The following ATXN10 variants were observed in gnomAD, a reference collection of about 807,000 sequenced individuals.
The protein encoded by ATXN10 is ataxin 10.
A neutral mutation model predicts 52.9 loss-of-function variants in ATXN10; 28 were observed. The ratio of observed to expected loss-of-function variants is 0.53; its 90% CI spans 0.39 to 0.73. ATXN10 has a LOEUF of 0.73. Ranked by LOEUF, ATXN10 falls within the 30% of genes least tolerant of loss-of-function variation. The pLI is 0.00. For missense variants in ATXN10, 565 were observed against 577.0 expected (o/e 0.98, Z 0.21); for synonymous variants, 226 against 221.5 (o/e 1.02, Z -0.18).
rs911508368 is a variant in ATXN10 at position 45,733,830 on chromosome 22, CTTTTT to C, written c.894+4246_894+4250del. On this transcript the variant is annotated intron_variant, in intron 7 of 11. Transcript: ENST00000252934. The surrounding 1 kb of genome is among the most constrained non-coding windows in gnomAD (Gnocchi z 4.4). ...TTTGTTTTCTATAGATCTGCATATC[CTTTTT>C]TTTTTGTTTTCTTTTCAAAGGTCTT... Among the ~76,000 whole-genome samples, 1 of 145,302 alleles carries C rather than the reference CTTTTT, an allele frequency of 6.9e-6. No individual in the cohort carries two copies. Among genetic ancestry groups the C allele is most frequent in the Non-Finnish European group, 1.5e-5 (1 of 65,886 alleles).
At chr22:45,745,045 A>G (rs1049745774) in intron 9 of ATXN10, among the ~76,000 whole-genome samples, 2 of 152,142 alleles carry the variant, frequency 1.3e-5, no homozygotes, top group Non-Finnish European at 2.9e-5. Context: ...TTTCCTTGCT[A>G]CAACTGTAGT....
chr22:45,760,139 A>G (rs1926330603), intron 9 of ATXN10, among the ~76,000 whole-genome samples: 1 of 152,184 alleles, frequency 6.6e-6, no homozygotes, highest in South Asian at 2.1e-4. Context: ...GCAGTAGCCC[A>G]TGTACTGGTG....
intron 7 of ATXN10, among the ~76,000 whole-genome samples, chr22:45,731,759 T>C (rs750247516): frequency 3.3e-5 from 5 of 152,246 alleles, no homozygotes; most frequent in Non-Finnish European, 7.3e-5. Context: ...GAATATACTT[T>C]CGTTCAGGAC....
chr22:45,672,307 C>A, intron 1 of ATXN10, 128 bp downstream of exon 1: 1 of 1,058,830 alleles, frequency 9.4e-7, no homozygotes, highest in Non-Finnish European at 1.2e-6. Flanking sequence ...CCTGCGCGGG[C>A]TGCCTGAGCG....
intron 9 of ATXN10, among the ~76,000 whole-genome samples, chr22:45,804,527 C>G (rs904625502): frequency 6.6e-6 from 1 of 152,080 alleles, no homozygotes; most frequent in African/African-American, 2.4e-5. Context: ...TTTCTTTCAG[C>G]GGGACATGGC....
chr22:45,723,737 C>G (rs561906093), intron 6 of ATXN10, among the ~76,000 whole-genome samples: 16 of 152,168 alleles, frequency 1.1e-4, no homozygotes, highest in African/African-American at 3.6e-4. Context: ...AGTCAGATCA[C>G]TTGAGACCAG....
At position 45,763,693 on chromosome 22, in the gene ATXN10, A is replaced by G. The variant is rs1461911981; in HGVS notation, c.1173+23155A>G. On this transcript the variant is annotated intron_variant, in intron 9 of 11. Coordinates refer to ENST00000252934, the MANE Select transcript of ATXN10 (RefSeq NM_013236.4). The surrounding 1 kb of genome is among the most constrained non-coding windows in gnomAD (Gnocchi z 6.9). ...CACAGGTCAGACTGTCTTCATATGC[A>G]TGCATTTACAGGCACATTTGTGGTT... Among the ~76,000 whole-genome samples, 1 of 152,110 alleles carries G rather than the reference A, an allele frequency of 6.6e-6. No homozygotes were observed. Among genetic ancestry groups the G allele is most frequent in the Non-Finnish European group, 1.5e-5 (1 of 68,028 alleles).
intron 5 of ATXN10, among the ~76,000 whole-genome samples, chr22:45,707,722 G>A (rs545023613): frequency 9.2e-5 from 14 of 151,778 alleles, no homozygotes; most frequent in African/African-American, 2.9e-4. Context: ...ATTCAGAAAG[G>A]AACAAAGGAT....
rs1929332691 is a variant in ATXN10, at chr22:45,841,082, C to G, written c.1238-1909C>G. On this transcript the variant is annotated intron_variant, in intron 10 of 11. Transcript: ENST00000252934. The surrounding 1 kb of genome is among the most constrained non-coding windows in gnomAD (Gnocchi z 5.1). ...GGGCTCGTTATCTTTATTCTCTATACTGGCACAAAGTGGGGGTTCAGTGAT... is the reference window on the plus strand; with the variant it reads ...GGGCTCGTTATCTTTATTCTCTATAGTGGCACAAAGTGGGGGTTCAGTGAT... Among the ~76,000 whole-genome samples the G allele has an allele frequency of 6.6e-6, 1 of 152,190 alleles. No individual in the cohort carries two copies.
chr22:45,756,250 T>C (rs980660511), intron 9 of ATXN10, among the ~76,000 whole-genome samples: 1 of 152,124 alleles, frequency 6.6e-6, no homozygotes, highest in Non-Finnish European at 1.5e-5. Context: ...GCTCAAGGGA[T>C]CCTCCCACCT....
In ATXN10 at chr22:45,833,708, T is replaced by C. The variant is rs753113576; in HGVS notation, c.1238-9283T>C. On this transcript the variant is annotated intron_variant, in intron 10 of 11. Transcript: ENST00000252934. This position sits in a 1 kb window ranked among gnomAD's most constrained non-coding sequence, Gnocchi z 4.3. Reference sequence around the variant, plus strand: ...TGGGATTTCTTTGAAGAGAAAGGGATGTATTTCATGTATCACAAAACCTAC... The same window carrying C: ...TGGGATTTCTTTGAAGAGAAAGGGACGTATTTCATGTATCACAAAACCTAC... 2.0e-5 allele frequency among the ~76,000 whole-genome samples: 3 copies of C among 152,208 alleles called. No individual in the cohort carries two copies. The highest frequency in any genetic ancestry group is 4.4e-5 in the Non-Finnish European group (3 of 68,028).
At chr22:45,797,718 A>G (rs73889619) in intron 9 of ATXN10, among the ~76,000 whole-genome samples, 2,572 of 152,326 alleles carry the variant, frequency 0.017, 86 homozygotes, top group African/African-American at 0.059. Context: ...GAAGTAGAAA[A>G]TAAAATAGAC....
rs192162071 is a variant in ATXN10, at chr22:45,832,981, T to C, written c.1238-10010T>C. On this transcript the variant is annotated intron_variant, in intron 10 of 11. Transcript: ENST00000252934. ...TTGGAGTTATTTATGTATTATACCT[T>C]TCTGCTGAAGGTTGTCCTGACTTTA... Among the ~76,000 whole-genome samples the C allele has an allele frequency of 2.4e-4, 37 of 152,330 alleles. No homozygotes were observed. The East Asian group carries it at 6.2e-3, about 25-fold the overall frequency.
rs890043611 is a variant in ATXN10 at position 45,766,027 on chromosome 22, G to A, written c.1173+25489G>A. 6.6e-6 allele frequency among the ~76,000 whole-genome samples: 1 copy of A among 152,236 alleles called. No individual in the cohort carries two copies. Among genetic ancestry groups the A allele is most frequent in the African/African-American group, 2.4e-5 (1 of 41,464 alleles). ...CCTGGCATTGGCACGTGAAGGGGCT[G>A]ACAGGCTAATGGGGCACAGTAGAAA... On this transcript the variant is annotated intron_variant, in intron 9 of 11. Transcript: ENST00000252934. This position sits in a 1 kb window ranked among gnomAD's most constrained non-coding sequence, Gnocchi z 4.6.
chr22:45,726,291 G>T (rs144675825), intron 6 of ATXN10, among the ~76,000 whole-genome samples: 1 of 152,076 alleles, frequency 6.6e-6, no homozygotes, highest in Non-Finnish European at 1.5e-5. Context: ...GTCTGGCCCT[G>T]GGTTTTTTGT....
rs992001613 is a variant in ATXN10, at chr22:45,835,255, G to C, written c.1238-7736G>C. 2.0e-5 allele frequency among the ~76,000 whole-genome samples: 3 copies of C among 152,200 alleles called. No individual in the cohort carries two copies. The highest frequency in any genetic ancestry group is 7.2e-5 in the African/African-American group (3 of 41,454). ...TGCTTTGCCTGGCGTGGGCTCATGG[G>C]TCCTGCTTTGCCTGGCGCGGGCGCT... On this transcript the variant is annotated intron_variant, in intron 10 of 11. Transcript: ENST00000252934. The surrounding 1 kb of genome is among the most constrained non-coding windows in gnomAD (Gnocchi z 5.0).
Position 45,689,823 on chromosome 22 carries a change from C to T in ATXN10, c.228C>T (p.Ser76=). ...CATCCCAAGTGGAAAACCTGGCTTC[C>T]AGTCTGCAGTTAATAACAGAATGCT... is the stretch of plus-strand genomic sequence containing the variant. The part of the protein sequence containing the change: ...RDPSQVENLA[S]SLQLITECFR... Residue 76 remains serine, a synonymous_variant, in exon 2 of 12, where the codon TCC becomes TCT. Transcript: ENST00000252934. 1.2e-6 allele frequency: 2 copies of T among 1,614,210 alleles called. No homozygotes were observed.
chr22:45,733,838 T>G lies in ATXN10; in HGVS notation c.894+4248T>G, dbSNP rs1222590566. ...CTATAGATCTGCATATCCTTTTTTT[T>G]TTGTTTTCTTTTCAAAGGTCTTTTT... On this transcript the variant is annotated intron_variant, in intron 7 of 11. Transcript: ENST00000252934. The surrounding 1 kb of genome is among the most constrained non-coding windows in gnomAD (Gnocchi z 4.4). Among the ~76,000 whole-genome samples the G allele has an allele frequency of 6.6e-6, 1 of 152,080 alleles. No homozygotes were observed. Among genetic ancestry groups the G allele is most frequent in the Non-Finnish European group, 1.5e-5 (1 of 68,004 alleles).
At position 45,772,276 on chromosome 22, in the gene ATXN10, C is replaced by T. The variant is rs1437444133; in HGVS notation, c.1173+31738C>T. On this transcript the variant is annotated intron_variant, in intron 9 of 11. Coordinates refer to ENST00000252934, the MANE Select transcript of ATXN10 (RefSeq NM_013236.4). The surrounding 1 kb of genome is among the most constrained non-coding windows in gnomAD (Gnocchi z 4.1). ...AAGGTGTGAGGGTTAGGTCAAGGTT[C>T]ATTGTTTTGCAAATGGATGATGAAT... Among the ~76,000 whole-genome samples, 1 of 152,106 alleles carries T rather than the reference C, an allele frequency of 6.6e-6. No homozygotes were observed. Among genetic ancestry groups the T allele is most frequent in the African/African-American group, 2.4e-5 (1 of 41,406 alleles).
Sources: gnomAD v4.1 joint callset for allele counts (sites outside exome capture counted in the v4.1 genomes callset) on GRCh38, gnomAD v4.1.1 for gene constraint, Gnocchi (gnomAD v3.1) non-coding constraint, MANE v1.5 for transcripts, NCBI Gene and HGNC (gene_info 2026-07-23, HGNC 2026-07-21) for gene names.